SDC2: variants seen among roughly 807,000 people sequenced by gnomAD.
SDC2 encodes syndecan-2.
SDC2 carries 13 observed loss-of-function variants against 22.2 expected under a neutral mutation model. The observed-to-expected ratio is 0.59, with a 90% CI of 0.38 to 0.93. The LOEUF (loss-of-function observed/expected upper bound fraction) is 0.93. SDC2 is among the 40% of genes least tolerant of loss of function. The probability of loss-of-function intolerance (pLI) is 0.00; values close to 1 mark genes in which losing one functional copy is unlikely to be tolerated. For synonymous variants in SDC2, 94 were observed against 92.8 expected (o/e 1.01, Z -0.07); for missense variants, 235 against 246.8 (o/e 0.95, Z 0.32).
chr8:96,587,363 C>T (rs1053365176), intron 1 of SDC2, among the ~76,000 whole-genome samples: 39 of 152,168 alleles, frequency 2.6e-4, no homozygotes, highest in African/African-American at 9.4e-4. Context: ...TAGGAAATTG[C>T]TACATACTAG....
intron 4 of SDC2, among the ~76,000 whole-genome samples, chr8:96,609,037 A>G (rs1367622561): frequency 5.3e-5 from 8 of 152,158 alleles, no homozygotes; most frequent in African/African-American, 1.4e-4. Context: ...CAATTATACT[A>G]TGTTCTCTGT....
rs765616699 is a variant in SDC2 at position 96,575,590 on chromosome 8, TAATTA to T, written c.61-17883_61-17879del. ...TCATGCCACGAACAATTTCTTTCTT[TAATTA>T]AATTAAGGGGTTGGTGAGGATGGCA... On this transcript the variant is annotated intron_variant, in intron 1 of 4. Transcript: ENST00000302190. 6.6e-5 allele frequency among the ~76,000 whole-genome samples: 10 copies of T among 152,316 alleles called. No homozygotes were observed. The East Asian group carries it at 1.9e-3, about 29-fold the overall frequency.
In SDC2 at chr8:96,494,311, G is replaced by A. The variant is rs1813012577; in HGVS notation, c.40G>A (p.Ala14Thr). The change falls in exon 1 of 5, where the codon GCC becomes ACC. Residue 14 changes from alanine to threonine, a missense_variant. Transcript: ENST00000302190. Reference sequence around the variant, plus strand: ...GATCCTGCTCACCTTGGGCTTGGTGGCCTGCGTGTCGGCGGAGTCGGTGAG... The same window carrying A: ...GATCCTGCTCACCTTGGGCTTGGTGACCTGCGTGTCGGCGGAGTCGGTGAG... ...AWILLTLGLV[A>T]CVSAESRAEL... The A allele has an allele frequency of 2.6e-6, 4 of 1,545,704 alleles. No homozygotes were observed. In the Admixed American group the frequency reaches 7.7e-5, roughly 30 times the overall value.
At chr8:96,547,863 G>A (rs1241254090) in intron 1 of SDC2, among the ~76,000 whole-genome samples, 4 of 151,828 alleles carry the variant, frequency 2.6e-5, no homozygotes, top group Non-Finnish European at 5.9e-5. Context: ...TGCTGCTCAA[G>A]TGATCCTCCC....
Position 96,540,340 on chromosome 8 carries a change from G to GTGTATATATATA in SDC2, c.60+46010_60+46011insGTATATATATAT, listed in dbSNP as rs4058341. On this transcript the variant is annotated intron_variant, in intron 1 of 4. Transcript: ENST00000302190. ...AACCCTGTCTCTACTATATATATGT[G>GTGTATATATATA]TATATATATATATATAAAAATTAGT... 1.6e-4 allele frequency among the ~76,000 whole-genome samples: 20 copies of GTGTATATATATA among 123,688 alleles called. 1 individual carries two copies. The East Asian group carries it at 2.2e-3, about 13-fold the overall frequency. The allele number at this position is 123,688 out of a possible 152,430, so 81.1% of individuals were successfully genotyped here. A position where few individuals can be genotyped will look rare whatever the true frequency, so the allele number is the denominator to read the frequency against.
Position 96,494,203 on chromosome 8 carries a change from C to A in SDC2, c.-69C>A. On this transcript the variant is annotated 5_prime_UTR_variant, in exon 1 of 5. Transcript: ENST00000302190. ...ATTCGTGTGCGCGGGCTGCGCCGAG[C>A]GCTGGGCAGGAGGCTTCGTTTTGCC... The A allele has an allele frequency of 6.8e-7, 1 of 1,464,592 alleles. No individual in the cohort carries two copies. The highest frequency in any genetic ancestry group is 9.2e-7 in the Non-Finnish European group (1 of 1,083,808). The allele number at this position is 1,464,592 out of a possible 1,614,324, so 90.7% of individuals were successfully genotyped here.
At chr8:96,587,017 G>A (rs1814698344) in intron 1 of SDC2, among the ~76,000 whole-genome samples, 1 of 152,132 alleles carries the variant, frequency 6.6e-6, no homozygotes, top group African/African-American at 2.4e-5. Flanking sequence ...CCGTCTCCTG[G>A]GTTCAAGCGA....
chr8:96,502,126 A>C (rs1269948367), intron 1 of SDC2, among the ~76,000 whole-genome samples: 1 of 152,230 alleles, frequency 6.6e-6, no homozygotes, highest in African/African-American at 2.4e-5. Flanking sequence ...TCACAGTTCC[A>C]CATGGCTGGG....
intron 3 of SDC2, among the ~76,000 whole-genome samples, chr8:96,607,150 G>A (rs571331460): frequency 7.0e-6 from 1 of 142,036 alleles, no homozygotes; most frequent in Non-Finnish European, 1.5e-5. Flanking sequence ...GGAAAGATTG[G>A]GGACCGCTAA....
At chr8:96,561,838 G>A (rs1343248775) in intron 1 of SDC2, among the ~76,000 whole-genome samples, 3 of 152,242 alleles carry the variant, frequency 2.0e-5, no homozygotes, top group Non-Finnish European at 4.4e-5. Flanking sequence ...TATCAGGTAA[G>A]AGGGCAGACC....
At chr8:96,596,442 G>A (rs1021190537) in intron 2 of SDC2, among the ~76,000 whole-genome samples, 5 of 152,138 alleles carry the variant, frequency 3.3e-5, no homozygotes, top group Non-Finnish European at 7.4e-5. Flanking sequence ...TCTATATGTG[G>A]GCTCAAGTAT....
At chr8:96,601,813 G>A (rs574676895) in intron 2 of SDC2, among the ~76,000 whole-genome samples, 2 of 151,958 alleles carry the variant, frequency 1.3e-5, no homozygotes, top group East Asian at 3.9e-4. Context: ...AGGCTGGAAT[G>A]CAATGGTGTG....
chr8:96,550,615 C>T (rs559433745), intron 1 of SDC2, among the ~76,000 whole-genome samples: 6 of 152,122 alleles, frequency 3.9e-5, no homozygotes, highest in East Asian at 1.9e-4. Flanking sequence ...AGCTGGTTCC[C>T]GCTCAACACA....
At chr8:96,608,273 TATTTC>T in intron 3 of SDC2, 57 bp from the exon 4 acceptor site, 1 of 1,543,454 alleles carries the variant, frequency 6.5e-7, no homozygotes, top group South Asian at 1.2e-5. Context: ...ACTCATCTAT[TATTTC>T]TTCTTTCCAA....
chr8:96,500,138 A>C lies in SDC2; in HGVS notation c.60+5807A>C, dbSNP rs180898769. 2.6e-5 allele frequency among the ~76,000 whole-genome samples: 4 copies of C among 152,240 alleles called. No homozygotes were observed. In the East Asian group the frequency reaches 7.7e-4, roughly 29 times the overall value. ...TCATCAGCATTGCAGGGTTGGTGTC[A>C]AGAATAAAGAAGACATTGATGTAAC... On this transcript the variant is annotated intron_variant, in intron 1 of 4. Transcript: ENST00000302190.
intron 1 of SDC2, among the ~76,000 whole-genome samples, chr8:96,523,792 T>C (rs73698114): frequency 0.07 from 10,699 of 152,238 alleles, 1,219 homozygotes; most frequent in African/African-American, 0.24. Context: ...GGATTTTTTT[T>C]CAAAGATAAT....
chr8:96,504,532 G>A (rs1286523436), intron 1 of SDC2, among the ~76,000 whole-genome samples: 1 of 152,190 alleles, frequency 6.6e-6, no homozygotes, highest in African/African-American at 2.4e-5. Flanking sequence ...ACTGGGATTA[G>A]AATATTTTGC....
chr8:96,550,231 C>CA (rs1814005549), intron 1 of SDC2, among the ~76,000 whole-genome samples: 1 of 152,040 alleles, frequency 6.6e-6, no homozygotes, highest in South Asian at 2.1e-4. Context: ...TCCAAAAATC[C>CA]AAAAATCTGA....
At chr8:96,496,564 C>G (rs1813077909) in intron 1 of SDC2, among the ~76,000 whole-genome samples, 1 of 151,834 alleles carries the variant, frequency 6.6e-6, no homozygotes, top group South Asian at 2.1e-4. Flanking sequence ...TGTATAGCAG[C>G]AAAAATATAA....
Sources: gnomAD v4.1 joint callset for allele counts (sites outside exome capture counted in the v4.1 genomes callset) on GRCh38, gnomAD v4.1.1 for gene constraint, MANE v1.5 for transcripts, NCBI Gene and HGNC (gene_info 2026-07-23, HGNC 2026-07-21) for gene names.